The following HMCN1 variants were observed in gnomAD, a reference collection of about 807,000 sequenced individuals.
HMCN1 encodes hemicentin 1, also known as hemicentin-1.
Under a neutral mutation model 625.9 loss-of-function variants are expected in HMCN1, and 321 were observed. That is an observed-to-expected ratio of 0.51 (90% CI 0.47 to 0.56). The LOEUF (loss-of-function observed/expected upper bound fraction) is 0.56. Ranked by LOEUF, HMCN1 falls within the 20% of genes least tolerant of loss-of-function variation. The pLI, the probability that HMCN1 is intolerant of heterozygous loss-of-function variation, is 0.00. For missense variants in HMCN1, 6,588 were observed against 6,887.3 expected, an observed-to-expected ratio of 0.96 and a Z score of 1.54; for synonymous variants, 2,425 against 2,417.6, an observed-to-expected ratio of 1.00 and a Z score of -0.09.
intron 88 of HMCN1, 38 bp from the exon 89 acceptor site, chr1:186,137,764 A>C: frequency 6.2e-7 from 1 of 1,614,046 alleles, no homozygotes; most frequent in Non-Finnish European, 8.5e-7. Context: ...TTCCCAATTG[A>C]AATATACCTG....
intron 4 of HMCN1, among the ~76,000 whole-genome samples, chr1:185,886,063 A>G (rs1664626008): frequency 1.3e-5 from 2 of 152,170 alleles, no homozygotes; most frequent in Non-Finnish European, 2.9e-5. Flanking sequence ...AAGACAGATA[A>G]GCATCATTTA....
chr1:185,987,313 G>A, intron 19 of HMCN1, 119 bp from the exon 20 acceptor site: 2 of 735,984 alleles, frequency 2.7e-6, no homozygotes, highest in South Asian at 2.8e-5. Context: ...ATCAGAAAAT[G>A]TTAAATAATT....
intron 4 of HMCN1, among the ~76,000 whole-genome samples, chr1:185,880,832 T>C (rs959221755): frequency 5.9e-5 from 9 of 152,210 alleles, no homozygotes; most frequent in Non-Finnish European, 8.8e-5. Flanking sequence ...ATAACCCCCA[T>C]GTAAATGGAA....
chr1:186,001,399 A>T lies in HMCN1; in HGVS notation c.4171A>T (p.Ile1391Phe). 1 of 1,612,666 alleles carries T rather than the reference A, an allele frequency of 6.2e-7. No individual in the cohort carries two copies. Among genetic ancestry groups the T allele is most frequent in the Non-Finnish European group, 8.5e-7 (1 of 1,178,944 alleles). The stretch of plus-strand genomic sequence containing the variant: ...TGAAGTGGAAGGCACTCCATCTCCC[A>T]TCATTATGTGGTATAAAGATAATGT... ...FCEVEGTPSP[I>F]IMWYKDNVQV... The change falls in exon 27 of 107, where the codon ATC becomes TTC. Residue 1391 changes from isoleucine (I) to phenylalanine (F), a missense_variant. By Grantham distance (21) the Ile-to-Phe change is conservative. This residue lies in a region of HMCN1 where 4,628 missense variants were observed against 4,853.1 expected (regional missense o/e 0.95). Coordinates refer to ENST00000271588, the MANE Select transcript of HMCN1 (RefSeq NM_031935.3).
chr1:185,979,520 A>G (rs1421423720), intron 16 of HMCN1, among the ~76,000 whole-genome samples: 5 of 152,212 alleles, frequency 3.3e-5, no homozygotes. Flanking sequence ...TCTGGAAGGA[A>G]ATTAGTAATT....
chr1:185,773,988 T>A, intron 1 of HMCN1, among the ~76,000 whole-genome samples: 1 of 152,090 alleles, frequency 6.6e-6, no homozygotes. Context: ...TTAAAAGGAT[T>A]CAGAAAAGCT....
rs545205777 is a variant in HMCN1, at chr1:185,985,965, A to G, written c.2936-1467A>G. ...CTCTTCCACACCCAAATGTCATTAG[A>G]TTTCAAAACTGTTGCCTAAATTTGC... On this transcript the variant is annotated intron_variant, in intron 19 of 106. Coordinates refer to ENST00000271588, the MANE Select transcript of HMCN1 (RefSeq NM_031935.3). 1.8e-4 allele frequency among the ~76,000 whole-genome samples: 28 copies of G among 152,348 alleles called. No individual in the cohort carries two copies. The South Asian group carries it at 3.9e-3, about 21-fold the overall frequency.
intron 93 of HMCN1, among the ~76,000 whole-genome samples, chr1:186,148,997 T>C (rs1196559617): frequency 6.6e-6 from 1 of 151,888 alleles, no homozygotes; most frequent in East Asian, 1.9e-4. Flanking sequence ...AAACATTAAG[T>C]AAACCATGCT....
intron 1 of HMCN1, among the ~76,000 whole-genome samples, chr1:185,773,984 G>C (rs1001841457): frequency 6.6e-6 from 1 of 152,080 alleles, no homozygotes; most frequent in Admixed American, 6.6e-5. Flanking sequence ...CTTGTTAAAA[G>C]GATTCAGAAA....
chr1:185,918,224 G>T (rs556462820), intron 6 of HMCN1, among the ~76,000 whole-genome samples: 74 of 152,266 alleles, frequency 4.9e-4, no homozygotes, highest in African/African-American at 1.7e-3. Flanking sequence ...GTGAAGCCTT[G>T]AGTCTGTGGC....
intron 11 of HMCN1, among the ~76,000 whole-genome samples, chr1:185,954,917 G>A (rs984088815): frequency 2.0e-5 from 3 of 152,110 alleles, no homozygotes; most frequent in Admixed American, 6.5e-5. Flanking sequence ...ATCAGTGGGT[G>A]CTTGGCATTG....
At chr1:185,766,070 T>C (rs1365060855) in intron 1 of HMCN1, among the ~76,000 whole-genome samples, 1 of 152,160 alleles carries the variant, frequency 6.6e-6, no homozygotes, top group Admixed American at 6.6e-5. Context: ...TTAAAATATA[T>C]AATTAAAACA....
intron 41 of HMCN1, among the ~76,000 whole-genome samples, chr1:186,046,394 G>A (rs1002998012): frequency 2.0e-5 from 3 of 152,058 alleles, no homozygotes; most frequent in African/African-American, 7.2e-5. Context: ...GCCTGAACCC[G>A]GGAGGTGGAG....
At chr1:185,797,928 T>C (rs1000350728) in intron 1 of HMCN1, among the ~76,000 whole-genome samples, 4 of 110,128 alleles carry the variant, frequency 3.6e-5, no homozygotes, top group Non-Finnish European at 6.6e-5. Flanking sequence ...ATCCCGCCAC[T>C]GCACTCCAGC....
At chr1:185,990,862 A>G (rs1033930012) in intron 22 of HMCN1, among the ~76,000 whole-genome samples, 6 of 152,232 alleles carry the variant, frequency 3.9e-5, no homozygotes, top group Non-Finnish European at 5.9e-5. Flanking sequence ...TTATACAAAT[A>G]TGAGCACATT....
At chr1:185,924,948 T>A (rs1667200284) in intron 8 of HMCN1, 99 bp from the exon 9 acceptor site, 9 of 1,035,248 alleles carry the variant, frequency 8.7e-6, no homozygotes, top group Non-Finnish European at 1.3e-5. Context: ...CTGGAATAAT[T>A]TAAGTATAAA....
At position 185,909,439 on chromosome 1, in the gene HMCN1, C is replaced by A; in HGVS notation, c.724C>A (p.Pro242Thr). The A allele has an allele frequency of 6.2e-7, 1 of 1,613,504 alleles. No individual in the cohort carries two copies. The highest frequency in any genetic ancestry group is 8.5e-7 in the Non-Finnish European group (1 of 1,179,544). ...AAATACTTGGAGAATTCCTTTTGAT[C>A]CCAGCCTGAAAGAGGTCACTGTGTC... ...AVNTWRIPFD[P>T]SLKEVTVSLS... The change falls in exon 5 of 107, where the codon CCC (proline) becomes ACC (threonine). Residue 242 changes from proline to threonine, a missense_variant. This residue lies in a region of HMCN1 where 4,628 missense variants were observed against 4,853.1 expected (regional missense o/e 0.95). Coordinates refer to ENST00000271588, the MANE Select transcript of HMCN1 (RefSeq NM_031935.3).
Position 186,153,814 on chromosome 1 carries a change from TCAC to T in HMCN1, c.15086_15088del (p.Thr5029del). On this transcript the variant is annotated inframe_deletion, in exon 97 of 107. Coordinates refer to ENST00000271588, the MANE Select transcript of HMCN1 (RefSeq NM_031935.3). ...CTGTACGCCTACTCAACCCGGCTGT[TCAC>T]CATTGATGGCATCAGCATCCCATAC... The T allele has an allele frequency of 6.2e-7, 1 of 1,614,170 alleles. No homozygotes were observed. The highest frequency in any genetic ancestry group is 8.5e-7 in the Non-Finnish European group (1 of 1,180,014).
At chr1:185,952,050 C>T (rs564797503) in intron 11 of HMCN1, among the ~76,000 whole-genome samples, 1 of 151,828 alleles carries the variant, frequency 6.6e-6, no homozygotes, top group African/African-American at 2.4e-5. Context: ...GGGTCCAGGG[C>T]TGTAAAGCGT....
Sources: gnomAD v4.1 joint callset for allele counts (sites outside exome capture counted in the v4.1 genomes callset) on GRCh38, gnomAD v4.1.1 for gene constraint, gnomAD v4.1.1 regional missense constraint, MANE v1.5 for transcripts, NCBI Gene and HGNC (gene_info 2026-07-23, HGNC 2026-07-21) for gene names.